ELP1: variants seen among roughly 807,000 people sequenced by gnomAD.
The protein encoded by ELP1 is elongator complex protein 1.
In ELP1, 131 loss-of-function variants were observed where a neutral mutation model predicts 183.2. That is an observed-to-expected ratio of 0.72 (90% CI 0.62 to 0.83). The LOEUF is 0.83. Among genes scored for constraint, ELP1 ranks in the 40% least tolerant of loss-of-function variants. The probability of loss-of-function intolerance (pLI) is 0.00; values close to 1 mark genes in which losing one functional copy is unlikely to be tolerated. For missense variants in ELP1, 1,550 were observed against 1,594.9 expected, an observed-to-expected ratio of 0.97 and a Z score of 0.48; for synonymous variants, 555 against 569.0, an observed-to-expected ratio of 0.98 and a Z score of 0.35.
chr9:108,898,540 A>C lies in ELP1; in HGVS notation c.2325T>G (p.Asp775Glu), dbSNP rs757701039. The C allele has an allele frequency of 1.3e-5, 21 of 1,598,718 alleles. No homozygotes were observed. Among genetic ancestry groups the C allele is most frequent in the Non-Finnish European group, 1.8e-5 (21 of 1,167,674 alleles). Residue 775 changes from aspartate (D) to glutamate (E), a missense_variant, in exon 22 of 37, where the codon GAT (aspartate) becomes GAG (glutamate). Physicochemically the swap from Asp to Glu is conservative, Grantham distance 45. Transcript: ENST00000374647. ...GNVETFIKQI[D>E]SVNHINLFFT... Reference sequence around the variant, plus strand: ...AAAACAAGTTAATATGATTCACAGAATCTATCTGTTTAATGAAGGTTTCCA... The same window carrying C: ...AAAACAAGTTAATATGATTCACAGACTCTATCTGTTTAATGAAGGTTTCCA...
Position 108,867,687 on chromosome 9 carries a change from C to A in ELP1, c.*1428G>T, listed in dbSNP as rs1040481870. ...TTCAATATTGGGCACTTAATTACAG[C>A]AAACCCATGTAAGTCAAAAAGTAGA... On this transcript the variant is annotated 3_prime_UTR_variant, in exon 37 of 37. Coordinates refer to ENST00000374647, the MANE Select transcript of ELP1 (RefSeq NM_003640.5). 2.0e-5 allele frequency: 3 copies of A among 152,304 alleles called. No homozygotes were observed. In the South Asian group the frequency reaches 6.2e-4, roughly 32 times the overall value. 9.4% of individuals were successfully genotyped at this position (152,304 alleles called of 1,614,324 possible).
At position 108,897,131 on chromosome 9, in the gene ELP1, G is replaced by C; in HGVS notation, c.2501+17C>G. ...TTCGGTTTTTCAAAGGATGCCACCT[G>C]GTGACAGCATACATACTTATGAGGA... On this transcript the variant is annotated intron_variant, in intron 23 of 36. Transcript: ENST00000374647. The C allele has an allele frequency of 1.2e-6, 2 of 1,614,134 alleles. No individual in the cohort carries two copies. The highest frequency in any genetic ancestry group is 1.1e-5 in the South Asian group (1 of 91,078).
chr9:108,932,490 C>A (rs1830031277), intron 1 of ELP1, among the ~76,000 whole-genome samples: 1 of 151,968 alleles, frequency 6.6e-6, no homozygotes, highest in Non-Finnish European at 1.5e-5. Context: ...TACAGGCGCC[C>A]GGCACCATGC....
chr9:108,881,605 CAT>C, intron 31 of ELP1, 98 bp downstream of exon 31: 1 of 772,992 alleles, frequency 1.3e-6, no homozygotes, highest in Non-Finnish European at 2.3e-6. Context: ...GTCTACATGA[CAT>C]ATTATTAAGA....
chr9:108,870,597 AGAG>A (rs1356092516), intron 36 of ELP1, among the ~76,000 whole-genome samples: 1 of 152,108 alleles, frequency 6.6e-6, no homozygotes, highest in Admixed American at 6.5e-5. Context: ...GGGAGGTTAA[AGAG>A]GAGGCAAGAG....
At chr9:108,911,233 G>C in intron 11 of ELP1, 53 bp from the exon 12 acceptor site, 1 of 1,542,652 alleles carries the variant, frequency 6.5e-7, no homozygotes, top group Non-Finnish European at 8.9e-7. Context: ...CAATTTGTAA[G>C]ATAAGCCATC....
Position 108,868,892 on chromosome 9 carries a change from T to C in ELP1, c.*223A>G, listed in dbSNP as rs1827331253. 1.6e-6 allele frequency: 1 copy of C among 610,642 alleles called. No homozygotes were observed. The highest frequency in any genetic ancestry group is 2.0e-5 in the South Asian group (1 of 50,826). The allele number at this position is 610,642 out of a possible 1,614,324, so 37.8% of individuals were successfully genotyped here. On this transcript the variant is annotated 3_prime_UTR_variant, in exon 37 of 37. Coordinates refer to ENST00000374647, the MANE Select transcript of ELP1 (RefSeq NM_003640.5). The stretch of plus-strand genomic sequence containing the variant: ...CAATCATTCTCACAAAATGGTGCCA[T>C]AATGGTTAAAGCTTAATGTCTTGCT...
chr9:108,910,543 G>A lies in ELP1; in HGVS notation c.1360+467C>T, dbSNP rs140332631. 5.3e-5 allele frequency among the ~76,000 whole-genome samples: 8 copies of A among 152,132 alleles called. No individual in the cohort carries two copies. In the East Asian group the frequency reaches 1.5e-3, roughly 29 times the overall value. On this transcript the variant is annotated intron_variant, in intron 12 of 36. Coordinates refer to ENST00000374647, the MANE Select transcript of ELP1 (RefSeq NM_003640.5). Reference sequence around the variant, plus strand: ...GGCTGTGGCAGGACAAGTGGATTAGGAGCTAGAACACCTGTGTTGAGGTCC... The same window carrying A: ...GGCTGTGGCAGGACAAGTGGATTAGAAGCTAGAACACCTGTGTTGAGGTCC...
intron 13 of ELP1, among the ~76,000 whole-genome samples, chr9:108,907,907 A>C (rs1045401251): frequency 6.6e-6 from 1 of 152,202 alleles, no homozygotes; most frequent in African/African-American, 2.4e-5. Context: ...CAGCACCCAG[A>C]AGTTCTAGAT....
rs538446303 is a variant in ELP1, at chr9:108,918,909, G to T, written c.650-8C>A. The T allele has an allele frequency of 1.2e-6, 2 of 1,610,058 alleles. No homozygotes were observed. Among genetic ancestry groups the T allele is most frequent in the South Asian group, 1.1e-5 (1 of 90,982 alleles). On this transcript the variant is annotated splice_polypyrimidine_tract_variant and splice_region_variant and intron_variant, in intron 7 of 36. Coordinates refer to ENST00000374647, the MANE Select transcript of ELP1 (RefSeq NM_003640.5). ...CTCTGACCTTCCGAGCCCCTGTGCG[G>T]GAGTGGAGTCAAACACACATACACA...
intron 31 of ELP1, 126 bp from the exon 32 acceptor site, chr9:108,880,291 CG>C (rs1827876757): frequency 1.4e-6 from 1 of 700,234 alleles, no homozygotes; most frequent in African/African-American, 1.8e-5. Flanking sequence ...GTTTTCCAAG[CG>C]AGCTCTTTTT....
rs1827298008 is a variant in ELP1 at position 108,867,923 on chromosome 9, T to G, written c.*1192A>C. On this transcript the variant is annotated 3_prime_UTR_variant, in exon 37 of 37. Transcript: ENST00000374647. ...GAGGATCAAAAGCAGCATTTCCTGTTAGTTTATGTACAGTGCTGTAGTTTA... is the reference window on the plus strand; with the variant it reads ...GAGGATCAAAAGCAGCATTTCCTGTGAGTTTATGTACAGTGCTGTAGTTTA... 6.6e-6 allele frequency: 1 copy of G among 152,222 alleles called. No homozygotes were observed. Among genetic ancestry groups the G allele is most frequent in the South Asian group, 2.1e-4 (1 of 4,832 alleles). 9.4% of individuals were successfully genotyped at this position (152,222 alleles called of 1,614,324 possible). A position where few individuals can be genotyped will look rare whatever the true frequency, so the allele number is the denominator to read the frequency against.
chr9:108,918,695 G>T, intron 8 of ELP1, 116 bp downstream of exon 8: 1 of 793,786 alleles, frequency 1.3e-6, no homozygotes, highest in Non-Finnish European at 2.3e-6. Context: ...ATAACCAAAT[G>T]AAGAAACGTA....
At chr9:108,925,801 C>T (rs1236484598) in intron 5 of ELP1, among the ~76,000 whole-genome samples, 1 of 152,226 alleles carries the variant, frequency 6.6e-6, no homozygotes, top group Admixed American at 6.5e-5. Flanking sequence ...CCTCCTGCCT[C>T]ATCCTCCAAA....
chr9:108,898,615 A>T, intron 21 of ELP1, 34 bp from the exon 22 acceptor site: 1 of 1,601,382 alleles, frequency 6.2e-7, no homozygotes, highest in African/African-American at 1.3e-5. Flanking sequence ...CTTCGTTCAG[A>T]TCATATTAGT....
At chr9:108,912,782 T>G (rs1264704443) in intron 10 of ELP1, among the ~76,000 whole-genome samples, 1 of 147,528 alleles carries the variant, frequency 6.8e-6, no homozygotes, top group Non-Finnish European at 1.5e-5. Flanking sequence ...TGACACAGAG[T>G]CTCGCTCTGC....
intron 27 of ELP1, among the ~76,000 whole-genome samples, chr9:108,892,074 A>AT (rs772121189): frequency 6.6e-6 from 1 of 152,160 alleles, no homozygotes; most frequent in Non-Finnish European, 1.5e-5. Flanking sequence ...GGAATACAAC[A>AT]TGGAGTCCCT....
chr9:108,902,279 C>T (rs993806018), intron 16 of ELP1, among the ~76,000 whole-genome samples: 8 of 152,126 alleles, frequency 5.3e-5, no homozygotes, highest in Non-Finnish European at 1.0e-4. Context: ...CCACCAGATG[C>T]AGGACTCCCA....
In ELP1 at chr9:108,912,446, A is replaced by G. The variant is rs775321513; in HGVS notation, c.1007T>C (p.Leu336Ser). 1.2e-6 allele frequency: 2 copies of G among 1,614,116 alleles called. No homozygotes were observed. Among genetic ancestry groups the G allele is most frequent in the Admixed American group, 1.7e-5 (1 of 60,022 alleles). The change falls in exon 11 of 37, where the codon TTA becomes TCA. Residue 336 changes from leucine (L) to serine (S), a missense_variant. Coordinates refer to ENST00000374647, the MANE Select transcript of ELP1 (RefSeq NM_003640.5). ...GCTCTTCCCACAGGTGCTGAAGGAT[A>G]AACTTTGCTTGAGATACCAGTGATA... ...GNYHWYLKQSLSFSTCGKSKI... is the reference protein window; with the variant it reads ...GNYHWYLKQSSSFSTCGKSKI...
Sources: allele counts gnomAD v4.1 joint callset (sites outside exome capture counted in the v4.1 genomes callset), GRCh38; gene constraint gnomAD v4.1.1; transcripts MANE v1.5; gene names NCBI Gene and HGNC (gene_info 2026-07-23, HGNC 2026-07-21).